Variants in CFAP58 observed in about 807,000 individuals in gnomAD.
CFAP58 encodes cilia- and flagella-associated protein 58.
CFAP58 carries 88 observed loss-of-function variants against 119.5 expected under a neutral mutation model. The ratio of observed to expected loss-of-function variants is 0.74; its 90% CI spans 0.62 to 0.88. CFAP58 has a LOEUF of 0.88. Among genes scored for constraint, CFAP58 ranks in the 40% least tolerant of loss-of-function variants. The pLI is 0.00. For missense variants in CFAP58, 990 were observed against 1,021.2 expected, an observed-to-expected ratio of 0.97 and a Z score of 0.42; for synonymous variants, 365 against 366.3, an observed-to-expected ratio of 1.00 and a Z score of 0.04.
chr10:104,416,098 C>T (rs1010077362), intron 15 of CFAP58, among the ~76,000 whole-genome samples: 3 of 152,162 alleles, frequency 2.0e-5, no homozygotes, highest in Non-Finnish European at 4.4e-5. Context: ...ACTGATAGAA[C>T]TGGATCATCC....
rs1589909486 is a variant in CFAP58 at position 104,364,594 on chromosome 10, A to G, written c.441-139A>G. The G allele has an allele frequency of 8.8e-6, 6 of 684,882 alleles. No individual in the cohort carries two copies. In the East Asian group the frequency reaches 1.5e-4, roughly 17 times the overall value. The allele number at this position is 684,882 out of a possible 1,614,324, so 42.4% of individuals were successfully genotyped here. On this transcript the variant is annotated intron_variant, in intron 3 of 17. Transcript: ENST00000369704. ...ACAATCTGATCCCATATCATGGCATAAAGATCTTTCTCTTTAATGTCTGAA... is the reference window on the plus strand; with the variant it reads ...ACAATCTGATCCCATATCATGGCATGAAGATCTTTCTCTTTAATGTCTGAA...
chr10:104,450,393 C>T (rs891113346), intron 17 of CFAP58, among the ~76,000 whole-genome samples, 189 bp downstream of exon 17: 5 of 152,290 alleles, frequency 3.3e-5, no homozygotes, highest in African/African-American at 1.2e-4. Flanking sequence ...ACTGAGTCCC[C>T]TCCTTGGGAT....
intron 9 of CFAP58, among the ~76,000 whole-genome samples, chr10:104,386,184 C>T (rs2011919140): frequency 6.6e-6 from 1 of 150,888 alleles, no homozygotes; most frequent in Non-Finnish European, 1.5e-5. Flanking sequence ...TCAAGTCCAG[C>T]CTGGCCAACA....
chr10:104,415,891 C>T (rs2012544254), intron 15 of CFAP58, among the ~76,000 whole-genome samples: 1 of 152,204 alleles, frequency 6.6e-6, no homozygotes, highest in Non-Finnish European at 1.5e-5. Context: ...ATGTAGTTCA[C>T]ACCCTGAGTG....
chr10:104,365,791 C>G lies in CFAP58; in HGVS notation c.598-23C>G, dbSNP rs182799251. ...ATGGTCAGGGCTCATCTCTTTCTCTCTTGTCCTTTCCGCAACCTCTAGTTC... is the reference window on the plus strand; with the variant it reads ...ATGGTCAGGGCTCATCTCTTTCTCTGTTGTCCTTTCCGCAACCTCTAGTTC... On this transcript the variant is annotated intron_variant, in intron 4 of 17. Transcript: ENST00000369704. The G allele has an allele frequency of 7.3e-4, 1,160 of 1,590,180 alleles. 13 individuals carry two copies. In the African/African-American group the frequency reaches 0.013, roughly 18 times the overall value.
At chr10:104,392,879 G>A (rs982888953) in intron 10 of CFAP58, among the ~76,000 whole-genome samples, 2 of 152,052 alleles carry the variant, frequency 1.3e-5, no homozygotes, top group African/African-American at 4.8e-5. Context: ...GACCTCAAGC[G>A]ATCCACCTGC....
chr10:104,374,945 T>A (rs1384986974), intron 7 of CFAP58, among the ~76,000 whole-genome samples: 4 of 151,850 alleles, frequency 2.6e-5, no homozygotes, highest in South Asian at 2.1e-4. Flanking sequence ...CATGGGTTTT[T>A]AAAAATTCGG....
intron 9 of CFAP58, among the ~76,000 whole-genome samples, chr10:104,389,752 T>TGGAGTGAATGAATAAATGGG (rs1327237739): frequency 6.6e-6 from 1 of 152,156 alleles, no homozygotes; most frequent in African/African-American, 2.4e-5. Context: ...TACCTGTTCA[T>TGGAGTGAATGAATAAATGGG]GGAGTGAATG....
At chr10:104,426,975 A>C (rs984110082) in intron 15 of CFAP58, among the ~76,000 whole-genome samples, 1 of 152,224 alleles carries the variant, frequency 6.6e-6, no homozygotes, top group African/African-American at 2.4e-5. Context: ...AATGGAAATG[A>C]TGTTGGGTTT....
chr10:104,434,044 G>C (rs2012892382), intron 15 of CFAP58, among the ~76,000 whole-genome samples: 1 of 152,130 alleles, frequency 6.6e-6, no homozygotes, highest in Non-Finnish European at 1.5e-5. Flanking sequence ...ACACTGGCCT[G>C]GGTAGGAATC....
chr10:104,370,884 A>G lies in CFAP58; in HGVS notation c.931-11A>G. On this transcript the variant is annotated splice_polypyrimidine_tract_variant and intron_variant, in intron 6 of 17. Transcript: ENST00000369704. Reference sequence around the variant, plus strand: ...CAAAGTGACTCATTAATTCTTTCTCACTAATTACAGGCCAAAGAGGAAGAA... The same window carrying G: ...CAAAGTGACTCATTAATTCTTTCTCGCTAATTACAGGCCAAAGAGGAAGAA... The G allele has an allele frequency of 6.2e-7, 1 of 1,603,650 alleles. No individual in the cohort carries two copies. Among genetic ancestry groups the G allele is most frequent in the Non-Finnish European group, 8.5e-7 (1 of 1,176,900 alleles).
In CFAP58 at chr10:104,368,440, T is replaced by C. The variant is rs375573265; in HGVS notation, c.810T>C (p.Ala270=). The change falls in exon 6 of 18, where the codon GCT becomes GCC. Residue 270 remains alanine, a synonymous_variant. Transcript: ENST00000369704. Reference sequence around the variant, plus strand: ...CCTTTCAGATATTGAATGAGAGAGCTGCAAAGGAACTCGAGCAATTTCAGA... The same window carrying C: ...CCTTTCAGATATTGAATGAGAGAGCCGCAAAGGAACTCGAGCAATTTCAGA... The part of the protein sequence containing the change: ...LKEQKILNER[A]AKELEQFQMR... 132 of 1,613,764 alleles carry C rather than the reference T, an allele frequency of 8.2e-5. No homozygotes were observed. Among genetic ancestry groups the C allele is most frequent in the Non-Finnish European group, 1.1e-4 (124 of 1,179,878 alleles).
chr10:104,451,212 A>G (rs1309006978), intron 17 of CFAP58, among the ~76,000 whole-genome samples: 1 of 152,218 alleles, frequency 6.6e-6, no homozygotes, highest in East Asian at 1.9e-4. Context: ...TTTCAGGGAC[A>G]TGGTGAAATA....
intron 15 of CFAP58, among the ~76,000 whole-genome samples, chr10:104,447,298 A>G (rs2013125510): frequency 6.6e-6 from 1 of 151,866 alleles, no homozygotes; most frequent in African/African-American, 2.4e-5. Context: ...AATCACAGGC[A>G]CGAGCTACTG....
At chr10:104,351,810 GAA>G (rs1206074466), upstream of CFAP58, 2 of 152,080 alleles carry the variant, frequency 1.3e-5, no homozygotes, top group South Asian at 4.1e-4. Flanking sequence ...AAAATATAGG[GAA>G]AAAAAGAGCT....
chr10:104,383,230 C>A (rs575283739), intron 9 of CFAP58, among the ~76,000 whole-genome samples: 3 of 152,102 alleles, frequency 2.0e-5, no homozygotes, highest in Non-Finnish European at 2.9e-5. Flanking sequence ...CTTGTCACTT[C>A]GTACTTTTAT....
At chr10:104,358,037 A>G (rs568116067) in intron 1 of CFAP58, among the ~76,000 whole-genome samples, 17 of 145,238 alleles carry the variant, frequency 1.2e-4, no homozygotes, top group African/African-American at 3.2e-4. Context: ...ATACATATGT[A>G]CATATACACA....
intron 15 of CFAP58, among the ~76,000 whole-genome samples, chr10:104,426,086 G>A (rs557331441): frequency 1.3e-5 from 2 of 152,104 alleles, no homozygotes; most frequent in Non-Finnish European, 2.9e-5. Context: ...ACAAAAATTG[G>A]CTGGATGTGG....
the CFAP58 span, among the ~76,000 whole-genome samples, chr10:104,347,424 A>G: frequency 6.6e-6 from 1 of 152,100 alleles, no homozygotes; most frequent in Non-Finnish European, 1.5e-5. Flanking sequence ...GTTTTGGAGA[A>G]CACTAGCCAG....
Sources: gnomAD v4.1 joint callset for allele counts (sites outside exome capture counted in the v4.1 genomes callset) on GRCh38, gnomAD v4.1.1 for gene constraint, MANE v1.5 for transcripts, NCBI Gene and HGNC (gene_info 2026-07-23, HGNC 2026-07-21) for gene names.